The following SLC16A7 variants were observed in gnomAD, a reference collection of about 807,000 sequenced individuals.
SLC16A7 encodes the protein solute carrier family 16 member 7.
In SLC16A7, 33 loss-of-function variants were observed where a neutral mutation model predicts 34.9. The observed-to-expected ratio is 0.94, with a 90% confidence interval of 0.72 to 1.26. SLC16A7 has a LOEUF of 1.26. SLC16A7 is among the 50% of genes most tolerant of loss of function. The pLI, the probability that SLC16A7 is intolerant of heterozygous loss-of-function variation, is 0.00. For synonymous variants in SLC16A7, 201 were observed against 206.6 expected (o/e 0.97, Z 0.23); for missense variants, 573 against 578.1 (o/e 0.99, Z 0.09).
intron 3 of SLC16A7, among the ~76,000 whole-genome samples, chr12:59,730,525 AAAT>A (rs142325111): frequency 0.011 from 1,659 of 151,532 alleles, 22 homozygotes; most frequent in African/African-American, 0.038. Context: ...TTGGTAAAGC[AAAT>A]AATAATAATA....
At chr12:59,622,728 A>G (rs933815810) in intron 1 of SLC16A7, among the ~76,000 whole-genome samples, 1 of 151,804 alleles carries the variant, frequency 6.6e-6, no homozygotes, top group African/African-American at 2.4e-5. Context: ...GAAATATTTT[A>G]TATTTGACAA....
intron 1 of SLC16A7, among the ~76,000 whole-genome samples, chr12:59,624,224 C>T (rs1163811661): frequency 6.6e-6 from 1 of 151,582 alleles, no homozygotes; most frequent in African/African-American, 2.4e-5. Flanking sequence ...TTTTTTTACT[C>T]ATATCTCTTT....
Position 59,779,664 on chromosome 12 carries a change from A to T in SLC16A7, c.1422A>T (p.Arg474Ser). The change falls in exon 6 of 6, where the codon AGA (arginine) becomes AGT (serine). Residue 474 changes from arginine (R) to serine (S), a missense_variant. Arg to Ser is a moderately radical substitution (Grantham distance 110, BLOSUM62 -1). Transcript: ENST00000547379. ...ATGCACAGAGTGTAACCTCAGAAAG[A>T]GAAACTAACATTTAACAAGAATCAC... Reference protein sequence around the residue: ...VSNAQSVTSERETNI With the variant: ...VSNAQSVTSESETNI 6.2e-7 allele frequency: 1 copy of T among 1,608,794 alleles called. No homozygotes were observed. The highest frequency in any genetic ancestry group is 8.5e-7 in the Non-Finnish European group (1 of 1,176,846).
intron 2 of SLC16A7, among the ~76,000 whole-genome samples, chr12:59,671,829 A>ATATATGTATATATGTGTATATATATGTG (rs535813270): frequency 2.2e-5 from 3 of 135,514 alleles, no homozygotes; most frequent in East Asian, 2.1e-4. Context: ...GTGTATATGT[A>ATATATGTATATATGTGTATATATATGTG]TATATGTATA....
chr12:59,646,701 A>G (rs1051567577), intron 1 of SLC16A7, among the ~76,000 whole-genome samples: 1 of 152,128 alleles, frequency 6.6e-6, no homozygotes, highest in Non-Finnish European at 1.5e-5. Context: ...AACAGCTTGC[A>G]TTGTGCACCT....
intron 3 of SLC16A7, among the ~76,000 whole-genome samples, chr12:59,738,140 G>A (rs1167699203): frequency 6.6e-6 from 1 of 152,108 alleles, no homozygotes; most frequent in Non-Finnish European, 1.5e-5. Flanking sequence ...GCAGATGTCT[G>A]GTCTAAACTA....
chr12:59,775,160 A>G lies in SLC16A7; in HGVS notation c.865A>G (p.Met289Val). ...EYSAAFLLSV[M>V]AFVDMFARPS... The stretch of plus-strand genomic sequence containing the variant: ...CTCGGCAGCTTTTCTGCTATCTGTT[A>G]TGGCTTTCGTTGATATGTTTGCTAG... The change falls in exon 5 of 6, where the codon ATG becomes GTG. Residue 289 changes from methionine to valine, a missense_variant. By Grantham distance (21) the Met-to-Val change is conservative. Coordinates refer to ENST00000547379, the MANE Select transcript of SLC16A7 (RefSeq NM_001270623.2). 1.2e-6 allele frequency: 2 copies of G among 1,613,920 alleles called. No homozygotes were observed. Among genetic ancestry groups the G allele is most frequent in the East Asian group, 2.2e-5 (1 of 44,870 alleles).
At chr12:59,621,814 G>A (rs1879708425) in intron 1 of SLC16A7, among the ~76,000 whole-genome samples, 1 of 151,700 alleles carries the variant, frequency 6.6e-6, no homozygotes, top group South Asian at 2.1e-4. Context: ...GGGGATGTGG[G>A]ATGGTGCTGA....
chr12:59,743,188 G>A (rs537714446), intron 3 of SLC16A7, among the ~76,000 whole-genome samples: 8 of 152,206 alleles, frequency 5.3e-5, no homozygotes, highest in South Asian at 4.1e-4. Context: ...TTAGGATGCC[G>A]GCACTAAAGA....
intron 3 of SLC16A7, among the ~76,000 whole-genome samples, chr12:59,754,956 C>T (rs34149184): frequency 0.12 from 18,672 of 152,146 alleles, 1,499 homozygotes; most frequent in African/African-American, 0.22. Flanking sequence ...GTTCAATATA[C>T]GCAAACCAAT....
intron 2 of SLC16A7, among the ~76,000 whole-genome samples, chr12:59,664,490 C>G (rs1299516058): frequency 6.6e-6 from 1 of 152,114 alleles, no homozygotes. Flanking sequence ...TTGTTCATAA[C>G]TTACAAATTA....
chr12:59,665,987 A>T (rs988974545), intron 2 of SLC16A7, among the ~76,000 whole-genome samples: 1 of 152,168 alleles, frequency 6.6e-6, no homozygotes, highest in Non-Finnish European at 1.5e-5. Context: ...GGTACTACAT[A>T]TGCAGTTTTC....
chr12:59,690,430 C>G (rs1023169569), intron 2 of SLC16A7, among the ~76,000 whole-genome samples: 10 of 152,080 alleles, frequency 6.6e-5, no homozygotes, highest in African/African-American at 2.4e-4. Context: ...AAAGTATGTA[C>G]ATCATTATAC....
Position 59,623,046 on chromosome 12 carries a change from CTGTGTGTGTGTGTG to C in SLC16A7, c.-130+26844_-130+26857del, listed in dbSNP as rs57399813. On this transcript the variant is annotated intron_variant, in intron 1 of 5. Transcript: ENST00000547379. ...ATAAATAGCATTTCCCTACTGAATG[CTGTGTGTGTGTGTG>C]TGTGTGTGTGTGTGTGTGTGTGTGT... Among the ~76,000 whole-genome samples the C allele has an allele frequency of 2.6e-3, 354 of 134,996 alleles. 1 individual carries two copies. Among genetic ancestry groups the C allele is most frequent in the African/African-American group, 6.7e-3 (243 of 36,180 alleles). The allele number at this position is 134,996 out of a possible 152,430, so 88.6% of individuals were successfully genotyped here. A position where few individuals can be genotyped will look rare whatever the true frequency, so the allele number is the denominator to read the frequency against.
chr12:59,633,578 A>G (rs1392538802), intron 1 of SLC16A7, among the ~76,000 whole-genome samples: 1 of 151,962 alleles, frequency 6.6e-6, no homozygotes, highest in Non-Finnish European at 1.5e-5. Context: ...ATTCAGCTTC[A>G]TAGCTCACTG....
intron 4 of SLC16A7, 128 bp downstream of exon 4, chr12:59,771,490 A>G (rs2711659): frequency 0.39 from 237,623 of 605,744 alleles, 50,029 homozygotes; most frequent in African/African-American, 0.71. Context: ...CAGTTTTAAA[A>G]TATTTTCATC....
chr12:59,716,017 G>A (rs907940492), intron 3 of SLC16A7, among the ~76,000 whole-genome samples: 1 of 152,162 alleles, frequency 6.6e-6, no homozygotes, highest in Non-Finnish European at 1.5e-5. Context: ...AGCTATAAAA[G>A]CAATAATAAT....
intron 1 of SLC16A7, among the ~76,000 whole-genome samples, chr12:59,602,125 C>T (rs1287657167): frequency 1.3e-5 from 2 of 152,148 alleles, no homozygotes; most frequent in Non-Finnish European, 2.9e-5. Context: ...TATTTGGGAT[C>T]AGAGTACTTT....
chr12:59,640,010 G>A (rs1880606444), intron 1 of SLC16A7, among the ~76,000 whole-genome samples: 1 of 152,092 alleles, frequency 6.6e-6, no homozygotes, highest in African/African-American at 2.4e-5. Context: ...CAGAACTCAA[G>A]GGAACATTTT....
Sources: gnomAD v4.1 joint callset for allele counts (sites outside exome capture counted in the v4.1 genomes callset) on GRCh38, gnomAD v4.1.1 for gene constraint, MANE v1.5 for transcripts, NCBI Gene and HGNC (gene_info 2026-07-23, HGNC 2026-07-21) for gene names.